UGT1A8: variants seen among roughly 807,000 people sequenced by gnomAD.
UGT1A8 encodes the protein UDP glucuronosyltransferase family 1 member A8.
Under a neutral mutation model 45.3 loss-of-function variants are expected in UGT1A8, and 39 were observed. That is an observed-to-expected ratio of 0.86 (90% CI 0.67 to 1.12). UGT1A8 has a LOEUF of 1.12. Among genes scored for constraint, UGT1A8 ranks in the 50% most tolerant of loss-of-function variants. The probability of loss-of-function intolerance (pLI) is 0.00; values close to 1 mark genes in which losing one functional copy is unlikely to be tolerated. For synonymous variants in UGT1A8, 275 were observed against 249.2 expected (o/e 1.10, Z -0.97); for missense variants, 719 against 664.9 (o/e 1.08, Z -0.90).
At chr2:233,693,135 A>G (rs879171045) in intron 1 of UGT1A8, 1 of 1,614,148 alleles carries the variant, frequency 6.2e-7, no homozygotes, top group South Asian at 1.1e-5. Flanking sequence ...AGTATGAAGG[A>G]TATAGTTGAG....
Position 233,645,449 on chromosome 2 carries a change from C to T in UGT1A8, c.855+26887C>T, listed in dbSNP as rs28969987. Among the ~76,000 whole-genome samples the T allele has an allele frequency of 4.1e-3, 618 of 152,348 alleles. 29 individuals are homozygous for T. The East Asian group carries it at 0.091, about 23-fold the overall frequency. On this transcript the variant is annotated intron_variant, in intron 1 of 4. Transcript: ENST00000373450. ...ATTAACTCAAAAGTCCACAGTTCAA[C>T]GTCTCATCTGAGACAAGGCAAGTCC...
At chr2:233,623,739 C>T (rs935858021) in intron 1 of UGT1A8, among the ~76,000 whole-genome samples, 9 of 152,076 alleles carry the variant, frequency 5.9e-5, no homozygotes, top group Admixed American at 1.3e-4. Flanking sequence ...TAAACCCATA[C>T]GTTCTTGGCC....
chr2:233,713,340 A>C (rs28946884), intron 1 of UGT1A8: 2 of 1,614,260 alleles, frequency 1.2e-6, no homozygotes, highest in Non-Finnish European at 1.7e-6. Context: ...AATGGCAATT[A>C]TGAACAATAT....
intron 1 of UGT1A8, chr2:233,760,629 G>A: frequency 6.2e-7 from 1 of 1,614,104 alleles, no homozygotes; most frequent in East Asian, 2.2e-5. Context: ...AAACATACAA[G>A]AAAATAAAAA....
chr2:233,626,288 G>A (rs1195722778), intron 1 of UGT1A8, among the ~76,000 whole-genome samples: 3 of 151,876 alleles, frequency 2.0e-5, no homozygotes, highest in African/African-American at 7.3e-5. Context: ...TTTCCATGAG[G>A]CTTGTATTGT....
chr2:233,734,914 A>G (rs7576166), intron 1 of UGT1A8, among the ~76,000 whole-genome samples: 69,332 of 152,022 alleles, frequency 0.46, 17,225 homozygotes, highest in African/African-American at 0.66. Context: ...TACATTTGCT[A>G]AGGAGTGCTT....
At position 233,756,026 on chromosome 2, in the gene UGT1A8, C is replaced by A. The variant is rs573577160; in HGVS notation, c.856-11008C>A. The stretch of plus-strand genomic sequence containing the variant: ...TATCTATTGTGATATTACACATCCC[C>A]CATGTAGCTTCTGGAAAACTCCACT... On this transcript the variant is annotated intron_variant, in intron 1 of 4. Transcript: ENST00000373450. 66 of 152,322 alleles carry A rather than the reference C, an allele frequency of 4.3e-4. 1 individual carries two copies. The highest frequency in any genetic ancestry group is 1.5e-3 in the African/African-American group (63 of 41,570). The allele number at this position is 152,322 out of a possible 1,614,324, so 9.4% of individuals were successfully genotyped here. A position where few individuals can be genotyped will look rare whatever the true frequency, so the allele number is the denominator to read the frequency against.
At chr2:233,638,484 T>G (rs1055902095) in intron 1 of UGT1A8, among the ~76,000 whole-genome samples, 3 of 152,210 alleles carry the variant, frequency 2.0e-5, no homozygotes, top group Non-Finnish European at 4.4e-5. Context: ...CTGCTTCTTT[T>G]GCTTTGCTGG....
intron 1 of UGT1A8, chr2:233,647,913 G>A (rs2073643402): frequency 1.3e-6 from 2 of 1,591,244 alleles, no homozygotes; most frequent in Non-Finnish European, 1.7e-6. Context: ...CTCCAGGGAA[G>A]GTAGATCACT....
At chr2:233,757,197 C>T (rs941417782) in intron 1 of UGT1A8, among the ~76,000 whole-genome samples, 2 of 149,716 alleles carry the variant, frequency 1.3e-5, no homozygotes, top group Non-Finnish European at 3.0e-5. Flanking sequence ...TCTGAATTTT[C>T]TGTGCCCAGG....
intron 1 of UGT1A8, among the ~76,000 whole-genome samples, chr2:233,722,377 C>T (rs570845988): frequency 4.6e-5 from 7 of 152,274 alleles, no homozygotes; most frequent in East Asian, 3.9e-4. Context: ...TGAAATCTTA[C>T]GTTTCTTCTC....
At chr2:233,624,350 A>G (rs1321113651) in intron 1 of UGT1A8, among the ~76,000 whole-genome samples, 1 of 152,086 alleles carries the variant, frequency 6.6e-6, no homozygotes, top group African/African-American at 2.4e-5. Flanking sequence ...ATGTTCCTCT[A>G]GAATGTCAGT....
chr2:233,623,111 C>T (rs1251019296), intron 1 of UGT1A8, among the ~76,000 whole-genome samples: 1 of 152,106 alleles, frequency 6.6e-6, no homozygotes, highest in Non-Finnish European at 1.5e-5. Context: ...CAATACGATG[C>T]TGTTTTGGTT....
At chr2:233,729,271 C>G (rs45595237) in intron 1 of UGT1A8, 3 of 1,614,050 alleles carry the variant, frequency 1.9e-6, no homozygotes, top group Non-Finnish European at 8.5e-7. Flanking sequence ...GGAGGTCTTG[C>G]GGGAGCTCCA....
At chr2:233,755,452 C>A in intron 1 of UGT1A8, 1 of 306,372 alleles carries the variant, frequency 3.3e-6, no homozygotes, top group South Asian at 3.0e-5. Flanking sequence ...GCTCCTGGGA[C>A]TGGCCCTGCT....
At chr2:233,759,148 C>T (rs958103871) in intron 1 of UGT1A8, among the ~76,000 whole-genome samples, 4 of 152,184 alleles carry the variant, frequency 2.6e-5, no homozygotes, top group African/African-American at 9.7e-5. Context: ...AAGGTGAGTT[C>T]CACAGAACAC....
In UGT1A8 at chr2:233,618,001, G is replaced by A. The variant is rs776735190; in HGVS notation, c.294G>A (p.Trp98Ter). ...TCATGGATTTCGCCGATGCTCAATG[G>A]AAAGCACAAGTACGAAGTTTGTTTT... is the stretch of plus-strand genomic sequence containing the variant. ...REFMDFADAQ[W>*]KAQVRSLFSL... Residue 98 changes from tryptophan to a stop codon, truncating the protein, a stop_gained, in exon 1 of 5, where the codon TGG becomes TGA. Coordinates refer to ENST00000373450, the MANE Select transcript of UGT1A8 (RefSeq NM_019076.5). LOFTEE classifies it high-confidence loss of function. The A allele has an allele frequency of 1.2e-6, 2 of 1,614,208 alleles. No individual in the cohort carries two copies. The highest frequency in any genetic ancestry group is 3.3e-5 in the Admixed American group (2 of 60,022).
rs1407595030 is a variant in UGT1A8, at chr2:233,768,410, T to C, written c.1266T>C (p.Asn422=). 6.2e-7 allele frequency: 1 copy of C among 1,614,120 alleles called. No homozygotes were observed. Among genetic ancestry groups the C allele is most frequent in the East Asian group, 2.2e-5 (1 of 44,882 alleles). ...AAATGACTTCTGAAGATTTAGAAAA[T>C]GCTCTAAAAGCAGTCATCAATGACA... is the stretch of plus-strand genomic sequence containing the variant. ...VLEMTSEDLE[N]ALKAVINDKS... Residue 422 remains asparagine, a synonymous_variant, in exon 4 of 5, where the codon AAT becomes AAC. Transcript: ENST00000373450.
At chr2:233,637,529 A>C in intron 1 of UGT1A8, 13 of 1,386,558 alleles carry the variant, frequency 9.4e-6, no homozygotes, top group African/African-American at 1.4e-5. Flanking sequence ...TCATGTACTC[A>C]TCAATTATCA....
Sources: gnomAD v4.1 joint callset for allele counts (sites outside exome capture counted in the v4.1 genomes callset) on GRCh38, gnomAD v4.1.1 for gene constraint, MANE v1.5 for transcripts, NCBI Gene and HGNC (gene_info 2026-07-23, HGNC 2026-07-21) for gene names.